Variants in GPM6A observed in about 807,000 individuals in gnomAD.
The protein encoded by GPM6A is neuronal membrane glycoprotein M6-a.
In GPM6A, 7 loss-of-function variants were observed where a neutral mutation model predicts 32.1. The observed-to-expected ratio is 0.22, with a 90% CI of 0.12 to 0.41. The LOEUF is 0.41. Ranked by LOEUF, GPM6A falls within the 10% of genes least tolerant of loss-of-function variation. The pLI is 1.00. For synonymous variants in GPM6A, 130 were observed against 123.4 expected (o/e 1.05, Z -0.35); for missense variants, 235 against 347.2 (o/e 0.68, Z 2.57).
upstream of GPM6A, among the ~76,000 whole-genome samples, chr4:175,816,858 T>A: frequency 1.2e-5 from 1 of 86,904 alleles, no homozygotes; most frequent in Admixed American, 1.1e-4. Context: ...CTTTTCTTTT[T>A]TTTATTTTTA....
intron 1 of GPM6A, among the ~76,000 whole-genome samples, chr4:175,840,889 CATTA>C (rs146680349): frequency 0.021 from 3,228 of 152,206 alleles, 38 homozygotes; most frequent in Non-Finnish European, 0.032. Flanking sequence ...GCAAATATAA[CATTA>C]ATTGAGTTCC....
chr4:175,955,042 T>C (rs897751490), intron 1 of GPM6A, among the ~76,000 whole-genome samples: 9 of 152,140 alleles, frequency 5.9e-5, no homozygotes, highest in African/African-American at 2.2e-4. Flanking sequence ...TTCGTAAGAG[T>C]CCTGAGAAGT....
At chr4:175,968,574 T>C (rs934812978) in intron 1 of GPM6A, among the ~76,000 whole-genome samples, 2 of 152,162 alleles carry the variant, frequency 1.3e-5, no homozygotes, top group Non-Finnish European at 2.9e-5. Context: ...TTCTTAAATA[T>C]CTACAGTAAT....
chr4:175,786,589 ATTCTCT>A (rs1370656790), intron 1 of GPM6A, among the ~76,000 whole-genome samples: 1 of 151,808 alleles, frequency 6.6e-6, no homozygotes, highest in Non-Finnish European at 1.5e-5. Context: ...CTGTTTCTCT[ATTCTCT>A]TTATCACTCA....
At chr4:175,970,803 C>T (rs1740477456) in intron 1 of GPM6A, 2 of 439,126 alleles carry the variant, frequency 4.6e-6, no homozygotes, top group South Asian at 3.3e-5. Context: ...TTTTCTTTGT[C>T]ACCGCTTCTA....
intron 1 of GPM6A, among the ~76,000 whole-genome samples, chr4:175,844,973 T>A (rs1035099613): frequency 2.0e-5 from 3 of 152,148 alleles, no homozygotes; most frequent in Non-Finnish European, 4.4e-5. Flanking sequence ...AGGAGCTGTA[T>A]TATATTTTGC....
chr4:175,655,589 T>A (rs999791429), intron 3 of GPM6A, among the ~76,000 whole-genome samples: 4 of 152,032 alleles, frequency 2.6e-5, no homozygotes, highest in Non-Finnish European at 5.9e-5. Flanking sequence ...ATGTGAAAAA[T>A]TTTTCTGATT....
chr4:175,722,536 T>C (rs1450192917), intron 1 of GPM6A, among the ~76,000 whole-genome samples: 1 of 152,124 alleles, frequency 6.6e-6, no homozygotes, highest in Non-Finnish European at 1.5e-5. Flanking sequence ...TGCAGCTTTC[T>C]TCCTTTCTAA....
At position 175,640,318 on chromosome 4, in the gene GPM6A, C is replaced by T. The variant is rs1334287378; in HGVS notation, c.619-124G>A. ...AAATAAAAGCGAGCCTGTGATAAATCACCCACCTGATTAAAACAGATTATT... is the reference window on the plus strand; with the variant it reads ...AAATAAAAGCGAGCCTGTGATAAATTACCCACCTGATTAAAACAGATTATT... On this transcript the variant is annotated intron_variant, in intron 5 of 6. Transcript: ENST00000393658. 29 of 732,214 alleles carry T rather than the reference C, an allele frequency of 4.0e-5. No homozygotes were observed. In the Admixed American group the frequency reaches 6.5e-4, roughly 16 times the overall value. The allele number at this position is 732,214 out of a possible 1,614,324, so 45.4% of individuals were successfully genotyped here.
chr4:175,911,410 A>G (rs17062248), intron 1 of GPM6A, among the ~76,000 whole-genome samples: 31,211 of 152,118 alleles, frequency 0.21, 3,638 homozygotes, highest in South Asian at 0.43. Flanking sequence ...CTTAAGGCCC[A>G]GTAACACCTT....
rs143578301 is a variant in GPM6A at position 175,639,496 on chromosome 4, A to G, written c.684+633T>C. On this transcript the variant is annotated intron_variant, in intron 6 of 6. Transcript: ENST00000393658. ...ACTGAAGATATTGGCTGCAAAAGCT[A>G]TTACTGACACTCAGAGCACTTGCTC... is the stretch of plus-strand genomic sequence containing the variant. 5.6e-4 allele frequency among the ~76,000 whole-genome samples: 85 copies of G among 152,240 alleles called. 1 individual carries two copies. The South Asian group carries it at 0.011, about 19-fold the overall frequency.
intron 1 of GPM6A, among the ~76,000 whole-genome samples, chr4:175,951,498 G>A (rs916603969): frequency 3.9e-5 from 6 of 152,124 alleles, no homozygotes; most frequent in African/African-American, 7.2e-5. Flanking sequence ...TACCTCTGAC[G>A]GCGAAATAAT....
intron 1 of GPM6A, chr4:175,961,243 A>C (rs1740153224): frequency 6.6e-6 from 1 of 152,232 alleles, no homozygotes. Flanking sequence ...TCACCTTTAG[A>C]TTACTTTTAA....
chr4:175,860,011 T>C (rs560961342), intron 1 of GPM6A, among the ~76,000 whole-genome samples: 4 of 152,218 alleles, frequency 2.6e-5, no homozygotes, highest in Admixed American at 1.3e-4. Context: ...AAAGTGAATA[T>C]ACAACTTATT....
At position 175,711,569 on chromosome 4, in the gene GPM6A, T is replaced by C. The variant is rs901948198; in HGVS notation, c.38-9802A>G. The stretch of plus-strand genomic sequence containing the variant: ...TATTTATTTAGAATATTACAAAATA[T>C]ATTGCATTCTAAACAAAATGGATGT... On this transcript the variant is annotated intron_variant, in intron 1 of 6. Coordinates refer to ENST00000393658, the MANE Select transcript of GPM6A (RefSeq NM_201591.3). Among the ~76,000 whole-genome samples the C allele has an allele frequency of 3.3e-5, 5 of 149,430 alleles. No homozygotes were observed. The Admixed American group carries it at 3.3e-4, about 10-fold the overall frequency.
intron 1 of GPM6A, among the ~76,000 whole-genome samples, chr4:175,984,741 G>C (rs554805482): frequency 6.6e-6 from 1 of 151,840 alleles, no homozygotes; most frequent in African/African-American, 2.4e-5. Context: ...TCTTTATTAG[G>C]TAACTCTTAT....
chr4:175,663,462 C>T (rs1477041631), intron 3 of GPM6A, among the ~76,000 whole-genome samples: 1 of 152,124 alleles, frequency 6.6e-6, no homozygotes, highest in Non-Finnish European at 1.5e-5. Flanking sequence ...TATTGTACAA[C>T]ATGGTCGCTA....
intron 2 of GPM6A, among the ~76,000 whole-genome samples, chr4:175,690,532 C>G (rs1744237971): frequency 6.6e-6 from 1 of 152,224 alleles, no homozygotes; most frequent in Non-Finnish European, 1.5e-5. Flanking sequence ...CCTCTAAAGA[C>G]TTGGAGAAAC....
At chr4:175,748,920 G>A (rs563205610) in intron 1 of GPM6A, among the ~76,000 whole-genome samples, 6 of 152,256 alleles carry the variant, frequency 3.9e-5, no homozygotes, top group African/African-American at 1.4e-4. Context: ...AGTACTTGTT[G>A]CTTCACCTTA....
Sources: gnomAD v4.1 joint callset for allele counts (sites outside exome capture counted in the v4.1 genomes callset) on GRCh38, gnomAD v4.1.1 for gene constraint, MANE v1.5 for transcripts, NCBI Gene and HGNC (gene_info 2026-07-23, HGNC 2026-07-21) for gene names.